Variants in BLZF1 observed in about 807,000 individuals in gnomAD.
BLZF1 encodes golgin-45.
A neutral mutation model predicts 43.8 loss-of-function variants in BLZF1; 39 were observed. That is an observed-to-expected ratio of 0.89 (90% confidence interval 0.69 to 1.16). The LOEUF is 1.16. Among genes scored for constraint, BLZF1 ranks in the 50% most tolerant of loss-of-function variants. The probability of loss-of-function intolerance (pLI) is 0.00; values close to 1 mark genes in which losing one functional copy is unlikely to be tolerated. For synonymous variants in BLZF1, 136 were observed against 159.4 expected (o/e 0.85, Z 1.11); for missense variants, 449 against 469.8 (o/e 0.96, Z 0.41).
downstream of BLZF1, among the ~76,000 whole-genome samples, chr1:169,389,748 A>C (rs544808480): frequency 2.6e-5 from 4 of 152,258 alleles, no homozygotes; most frequent in African/African-American, 9.6e-5. Context: ...TGGTATATAC[A>C]TGTGAAGAAA....
Position 169,387,310 on chromosome 1 carries a change from A to G in BLZF1, c.*128A>G, listed in dbSNP as rs192424034. ...CTATTTACATAATGTATACACCCAA[A>G]GATATTTTATGTACTAGACTCCAGA... is the stretch of plus-strand genomic sequence containing the variant. On this transcript the variant is annotated 3_prime_UTR_variant, in exon 7 of 7. Transcript: ENST00000367808. 1.2e-6 allele frequency: 1 copy of G among 806,130 alleles called. No homozygotes were observed. The highest frequency in any genetic ancestry group is 3.4e-5 in the Admixed American group (1 of 29,224). The allele number at this position is 806,130 out of a possible 1,614,324, so 49.9% of individuals were successfully genotyped here. A position where few individuals can be genotyped will look rare whatever the true frequency, so the allele number is the denominator to read the frequency against.
chr1:169,381,939 A>G, intron 5 of BLZF1, 123 bp from the exon 6 acceptor site: 1 of 757,628 alleles, frequency 1.3e-6, no homozygotes. Context: ...GAACTCTGAG[A>G]GAGAAAGGGA....
intron 6 of BLZF1, 65 bp downstream of exon 6, chr1:169,382,346 A>G: frequency 7.0e-7 from 1 of 1,433,674 alleles, no homozygotes; most frequent in Non-Finnish European, 9.6e-7. Context: ...AAGGTGACAT[A>G]TCATGGAAAG....
intron 2 of BLZF1, among the ~76,000 whole-genome samples, chr1:169,372,933 A>T (rs186163664): frequency 0.044 from 6,636 of 151,608 alleles, 188 homozygotes; most frequent in Non-Finnish European, 0.062. Context: ...ATCCTGAATT[A>T]AAAAAAAATC....
chr1:169,383,251 C>G (rs1557850271), intron 6 of BLZF1, among the ~76,000 whole-genome samples: 1 of 152,158 alleles, frequency 6.6e-6, no homozygotes, highest in Non-Finnish European at 1.5e-5. Flanking sequence ...TATCTAGAAG[C>G]CTATCTGTAT....
intron 2 of BLZF1, among the ~76,000 whole-genome samples, chr1:169,373,284 A>T (rs1252172750): frequency 6.6e-6 from 1 of 152,148 alleles, no homozygotes; most frequent in Non-Finnish European, 1.5e-5. Context: ...TAATTTAAGG[A>T]TTGTTTTGTT....
At chr1:169,395,781 A>C (rs1248347178) in intron 7 of BLZF1, 1 of 152,174 alleles carries the variant, frequency 6.6e-6, no homozygotes, top group Non-Finnish European at 1.5e-5. Context: ...TAGCAAAAAT[A>C]ACTGCATATA....
At chr1:169,372,118 T>C (rs1397341020) in intron 2 of BLZF1, among the ~76,000 whole-genome samples, 2 of 152,212 alleles carry the variant, frequency 1.3e-5, no homozygotes, top group Non-Finnish European at 2.9e-5. Context: ...TCCACTTCAG[T>C]AAATCTCGAT....
chr1:169,378,623 T>A, intron 4 of BLZF1, 94 bp downstream of exon 4: 1 of 1,239,718 alleles, frequency 8.1e-7, no homozygotes, highest in Non-Finnish European at 1.1e-6. Context: ...AGTGTGAAAA[T>A]TTCTGACTAA....
At chr1:169,389,121 C>CA (rs35710783), downstream of BLZF1, among the ~76,000 whole-genome samples, 12,599 of 138,822 alleles carry the variant, frequency 0.091, 716 homozygotes, top group Admixed American at 0.19. Flanking sequence ...AACTCTGTCT[C>CA]AAAAAAAAAA....
At chr1:169,395,277 A>G (rs1341135016) in intron 7 of BLZF1, 2 of 1,289,224 alleles carry the variant, frequency 1.6e-6, no homozygotes, top group Non-Finnish European at 2.1e-6. Flanking sequence ...TAAAGTTACT[A>G]TTATAGACAA....
intron 2 of BLZF1, among the ~76,000 whole-genome samples, chr1:169,375,256 AAATT>A: frequency 6.6e-6 from 1 of 150,844 alleles, no homozygotes; most frequent in South Asian, 2.1e-4. Flanking sequence ...TAAGCTTACG[AAATT>A]TATTACTGTT....
At position 169,376,635 on chromosome 1, in the gene BLZF1, A is replaced by G. The variant is rs752350260; in HGVS notation, c.124A>G (p.Arg42Gly). Residue 42 changes from arginine (R) to glycine (G), a missense_variant, in exon 3 of 7, where the codon AGA becomes GGA. Coordinates refer to ENST00000367808, the MANE Select transcript of BLZF1 (RefSeq NM_001320973.2). ...TGAAGTTACCTCCGGAGTCCAATCT[A>G]GAAAGCATCATAGTCTTCAGAGTCC... is the stretch of plus-strand genomic sequence containing the variant. ...SVEVTSGVQS[R>G]KHHSLQSPWK... The G allele has an allele frequency of 1.2e-6, 2 of 1,613,308 alleles. No homozygotes were observed. The highest frequency in any genetic ancestry group is 1.7e-6 in the Non-Finnish European group (2 of 1,179,544).
At chr1:169,389,247 T>C (rs537698047), downstream of BLZF1, among the ~76,000 whole-genome samples, 2 of 151,688 alleles carry the variant, frequency 1.3e-5, no homozygotes, top group Non-Finnish European at 2.9e-5. Context: ...TGAGCCGAGA[T>C]CGCGCCATTA....
In BLZF1 at chr1:169,380,726, TACTG is replaced by T. The variant is rs1188231971; in HGVS notation, c.797+119_797+122del. 10 of 1,161,282 alleles carry T rather than the reference TACTG, an allele frequency of 8.6e-6. No individual in the cohort carries two copies. The South Asian group carries it at 1.4e-4, about 16-fold the overall frequency. 71.9% of individuals were successfully genotyped at this position (1,161,282 alleles called of 1,614,324 possible). On this transcript the variant is annotated intron_variant, in intron 5 of 6. Transcript: ENST00000367808. ...TTGGGTGTGTCTACATTTGATAACT[TACTG>T]AGCATATACTTTTAGTAGCATTTTA...
At position 169,382,069 on chromosome 1, in the gene BLZF1, G is replaced by A; in HGVS notation, c.805G>A (p.Glu269Lys). Residue 269 changes from glutamate (E) to lysine (K), a missense_variant, in exon 6 of 7, where the codon GAG becomes AAG. By Grantham distance (56) the Glu-to-Lys change is moderately conservative. Transcript: ENST00000367808. The stretch of plus-strand genomic sequence containing the variant: ...CATGTGTGTTCTATGCAGATTATTG[G>A]AGGAGCTCTTAGTTTCCTTGCAATG... ...QEMIATQKLL[E>K]ELLVSLQWGR... The A allele has an allele frequency of 1.2e-6, 2 of 1,612,972 alleles. No homozygotes were observed. The highest frequency in any genetic ancestry group is 1.3e-5 in the African/African-American group (1 of 74,974).
At chr1:169,376,421 A>AT (rs985690569) in intron 2 of BLZF1, 119 bp from the exon 3 acceptor site, 7,616 of 744,828 alleles carry the variant, frequency 0.01, no homozygotes, top group South Asian at 0.017. Context: ...TTTTTCTCTG[A>AT]TTTTTTTTTT....
chr1:169,392,270 G>A (rs1654831684), downstream of BLZF1, among the ~76,000 whole-genome samples: 1 of 152,144 alleles, frequency 6.6e-6, no homozygotes, highest in Admixed American at 6.5e-5. Context: ...AATTGTAAAC[G>A]CCGTGAATAG....
downstream of BLZF1, chr1:169,396,564 A>C (rs544397587): frequency 6.6e-6 from 1 of 152,218 alleles, no homozygotes; most frequent in African/African-American, 2.4e-5. Context: ...AGGAAGAGAA[A>C]AAAGAAGGAA....
Sources: gnomAD v4.1 joint callset for allele counts (sites outside exome capture counted in the v4.1 genomes callset) on GRCh38, gnomAD v4.1.1 for gene constraint, MANE v1.5 for transcripts, NCBI Gene and HGNC (gene_info 2026-07-23, HGNC 2026-07-21) for gene names.